Variants in STK3 observed in about 807,000 individuals in gnomAD.
STK3 encodes the protein serine/threonine-protein kinase 3.
STK3 carries 41 observed loss-of-function variants against 58.0 expected under a neutral mutation model. The observed-to-expected ratio is 0.71, with a 90% CI of 0.55 to 0.92. The LOEUF (loss-of-function observed/expected upper bound fraction) is 0.92. STK3 is among the 40% of genes least tolerant of loss of function. The pLI, the probability that STK3 is intolerant of heterozygous loss-of-function variation, is 0.00. For synonymous variants in STK3, 170 were observed against 191.0 expected (o/e 0.89, Z 0.91); for missense variants, 479 against 602.7 (o/e 0.79, Z 2.15).
At chr8:98,744,086 T>A (rs1281833490) in intron 4 of STK3, among the ~76,000 whole-genome samples, 2 of 152,040 alleles carry the variant, frequency 1.3e-5, no homozygotes, top group African/African-American at 4.8e-5. Flanking sequence ...AAACAACAGG[T>A]GCTGGAGAGG....
chr8:98,740,174 G>C (rs1184455076), intron 4 of STK3, among the ~76,000 whole-genome samples: 1 of 152,132 alleles, frequency 6.6e-6, no homozygotes, highest in Non-Finnish European at 1.5e-5. Context: ...CACTCTGCAG[G>C]ATATTATCCA....
chr8:98,746,663 C>G (rs1242799160), intron 4 of STK3, among the ~76,000 whole-genome samples: 1 of 151,932 alleles, frequency 6.6e-6, no homozygotes, highest in African/African-American at 2.4e-5. Context: ...ATATAAAATA[C>G]AAGATTTCTG....
At chr8:98,793,580 A>G (rs1414972456) in intron 1 of STK3, among the ~76,000 whole-genome samples, 3 of 152,186 alleles carry the variant, frequency 2.0e-5, no homozygotes, top group Non-Finnish European at 1.5e-5. Context: ...TTAAACAACC[A>G]TACATAATAA....
At chr8:98,528,901 T>TCTTGG (rs947468696) in intron 9 of STK3, among the ~76,000 whole-genome samples, 33 of 152,318 alleles carry the variant, frequency 2.2e-4, no homozygotes, top group African/African-American at 7.7e-4. Flanking sequence ...ATGGCTCCTG[T>TCTTGG]CTTGGCTGTC....
At chr8:98,916,825 CAG>C (rs1173064695) in intron 1 of STK3, among the ~76,000 whole-genome samples, 3 of 152,070 alleles carry the variant, frequency 2.0e-5, no homozygotes, top group African/African-American at 7.2e-5. Flanking sequence ...AGAAAATAAA[CAG>C]AGCAAAGTAA....
chr8:98,901,395 T>G (rs1409351302), intron 1 of STK3, among the ~76,000 whole-genome samples: 1 of 152,254 alleles, frequency 6.6e-6, no homozygotes, highest in African/African-American at 2.4e-5. Flanking sequence ...TCACATTTTC[T>G]GTTAATCAAT....
chr8:98,735,633 T>C (rs1263933409), intron 4 of STK3, among the ~76,000 whole-genome samples: 4 of 152,154 alleles, frequency 2.6e-5, no homozygotes, highest in African/African-American at 9.7e-5. Flanking sequence ...TATCACCCAT[T>C]AGAATACAGG....
intron 1 of STK3, among the ~76,000 whole-genome samples, chr8:98,902,658 T>G (rs1427972634): frequency 6.6e-6 from 1 of 152,240 alleles, no homozygotes; most frequent in Non-Finnish European, 1.5e-5. Flanking sequence ...CTAATCACCC[T>G]GAGCCCTCCA....
rs141723351 is a variant in STK3, at chr8:98,759,676, G to A, written c.236+7567C>T. ...AATGCAGCATCTGCAAAGTGAAGAA[G>A]TACAACAGAGTAAGGTATACCTGTA... On this transcript the variant is annotated intron_variant, in intron 3 of 10. Coordinates refer to ENST00000419617, the MANE Select transcript of STK3 (RefSeq NM_006281.4). 2.0e-5 allele frequency among the ~76,000 whole-genome samples: 3 copies of A among 152,030 alleles called. No homozygotes were observed. The East Asian group carries it at 5.8e-4, about 29-fold the overall frequency.
intron 10 of STK3, among the ~76,000 whole-genome samples, chr8:98,489,715 T>C (rs1822546965): frequency 1.3e-5 from 2 of 152,212 alleles, no homozygotes; most frequent in Admixed American, 1.3e-4. Context: ...TCCTAATAAC[T>C]GAAAATTCCA....
At chr8:98,743,296 A>G (rs1829370874) in intron 4 of STK3, among the ~76,000 whole-genome samples, 1 of 152,104 alleles carries the variant, frequency 6.6e-6, no homozygotes, top group African/African-American at 2.4e-5. Flanking sequence ...AAGCCAAAAG[A>G]ACAAAGCTGG....
the STK3 span, among the ~76,000 whole-genome samples, chr8:98,350,037 A>G: frequency 6.6e-6 from 1 of 151,546 alleles, no homozygotes; most frequent in East Asian, 1.9e-4. Context: ...AGAAAATGGG[A>G]TTTTCTTTTC....
chr8:98,509,574 G>A (rs1824348627), intron 10 of STK3, among the ~76,000 whole-genome samples: 1 of 151,686 alleles, frequency 6.6e-6, no homozygotes, highest in Non-Finnish European at 1.5e-5. Flanking sequence ...CCTAGTAATC[G>A]AATAGCTTTT....
At chr8:98,741,491 G>A (rs1219514392) in intron 4 of STK3, among the ~76,000 whole-genome samples, 1 of 152,170 alleles carries the variant, frequency 6.6e-6, no homozygotes, top group East Asian at 1.9e-4. Context: ...GCTCCTGAAT[G>A]ACTACTGGGT....
At chr8:98,539,428 TAG>T (rs1810045525) in intron 9 of STK3, among the ~76,000 whole-genome samples, 1 of 151,880 alleles carries the variant, frequency 6.6e-6, no homozygotes, top group Admixed American at 6.6e-5. Context: ...AACCAGGGAG[TAG>T]AGTCAGTCTT....
At chr8:98,547,882 T>C (rs1279092294) in intron 9 of STK3, 87 bp downstream of exon 9, 12 of 1,239,202 alleles carry the variant, frequency 9.7e-6, no homozygotes, top group Admixed American at 3.9e-5. Flanking sequence ...CAGTTGGCTA[T>C]AAAAAGTAAC....
intron 10 of STK3, among the ~76,000 whole-genome samples, chr8:98,525,984 T>G (rs1825718193): frequency 6.6e-6 from 1 of 151,852 alleles, no homozygotes; most frequent in African/African-American, 2.4e-5. Flanking sequence ...TTATTTTGTT[T>G]GGGAAAAAAA....
chr8:98,574,933 C>A (rs2131703133), intron 8 of STK3, among the ~76,000 whole-genome samples: 1 of 152,192 alleles, frequency 6.6e-6, no homozygotes, highest in East Asian at 1.9e-4. Flanking sequence ...GACTCGTGCA[C>A]TTCCTGTCTT....
intron 7 of STK3, among the ~76,000 whole-genome samples, chr8:98,580,662 G>A (rs902981776): frequency 1.6e-4 from 24 of 152,194 alleles, no homozygotes; most frequent in Admixed American, 1.2e-3. Flanking sequence ...GCCCAGATGC[G>A]AGCACAATGG....
Sources: allele counts gnomAD v4.1 joint callset (sites outside exome capture counted in the v4.1 genomes callset), GRCh38; gene constraint gnomAD v4.1.1; transcripts MANE v1.5; gene names NCBI Gene and HGNC (gene_info 2026-07-23, HGNC 2026-07-21).